ATG16L2: variants seen among roughly 807,000 people sequenced by gnomAD.
The protein encoded by ATG16L2 is autophagy related 16 like 2.
In ATG16L2, 77 loss-of-function variants were observed where a neutral mutation model predicts 84.7. The ratio of observed to expected loss-of-function variants is 0.91; its 90% CI spans 0.76 to 1.10. The LOEUF is 1.10. ATG16L2 is among the 50% of genes least tolerant of loss of function. The probability of loss-of-function intolerance (pLI) is 0.00; values close to 1 mark genes in which losing one functional copy is unlikely to be tolerated. For missense variants in ATG16L2, 782 were observed against 817.6 expected, an observed-to-expected ratio of 0.96 and a Z score of 0.53; for synonymous variants, 361 against 342.8, an observed-to-expected ratio of 1.05 and a Z score of -0.59.
At chr11:72,817,944 C>T (rs1859786715) in intron 3 of ATG16L2, 89 bp downstream of exon 3, 1 of 1,181,160 alleles carries the variant, frequency 8.5e-7, no homozygotes, top group Non-Finnish European at 1.2e-6. Context: ...TTGCTGAATT[C>T]TCCAAGCCCA....
chr11:72,831,006 C>G (rs1331135887), downstream of ATG16L2, among the ~76,000 whole-genome samples: 1 of 152,198 alleles, frequency 6.6e-6, no homozygotes, highest in East Asian at 1.9e-4. Context: ...TCCCAGCCCC[C>G]AGTTCAAATT....
At chr11:72,824,577 C>G in intron 8 of ATG16L2, 157 bp from the exon 9 acceptor site, 1 of 650,638 alleles carries the variant, frequency 1.5e-6, no homozygotes, top group Non-Finnish European at 2.8e-6. Flanking sequence ...CCCCTGGGGT[C>G]GAGGCTGGGT....
At chr11:72,840,849 CG>C in intron 5 of ATG16L2, 1 of 1,522,080 alleles carries the variant, frequency 6.6e-7, no homozygotes, top group Non-Finnish European at 9.1e-7. Context: ...ACTATGCATT[CG>C]ATAATCCTGC....
In ATG16L2 at chr11:72,822,121, G is replaced by T. The variant is rs771975030; in HGVS notation, c.470G>T (p.Arg157Leu). Residue 157 changes from arginine to leucine, a missense_variant, in exon 5 of 18, where the codon CGG becomes CTG. Arg to Leu is a moderately radical substitution (Grantham distance 102, BLOSUM62 -2). Transcript: ENST00000321297. The surrounding 1 kb of genome is among the most constrained non-coding windows in gnomAD (Gnocchi z 4.2). Reference protein sequence around the residue: ...AQQAQQVEEWRAQNAVQRAAY... With the variant: ...AQQAQQVEEWLAQNAVQRAAY... ...CAGGCCCAGCAGGTGGAGGAGTGGC[G>T]GGCGCAGAATGCGGTGCAGCGGGCA... The T allele has an allele frequency of 1.7e-5, 26 of 1,518,834 alleles. No homozygotes were observed. The highest frequency in any genetic ancestry group is 6.3e-5 in the Admixed American group (3 of 47,482). The allele number at this position is 1,518,834 out of a possible 1,614,324, so 94.1% of individuals were successfully genotyped here. A position where few individuals can be genotyped will look rare whatever the true frequency, so the allele number is the denominator to read the frequency against.
intron 13 of ATG16L2, 157 bp downstream of exon 13, chr11:72,826,980 C>T: frequency 1.1e-6 from 1 of 950,420 alleles, no homozygotes; most frequent in Admixed American, 2.7e-5. Flanking sequence ...AATGGTATCC[C>T]CCAGTGGTGT....
chr11:72,842,824 G>A, exon 6 of ATG16L2: 1 of 1,613,820 alleles, frequency 6.2e-7, no homozygotes, highest in Non-Finnish European at 8.5e-7. Context: ...TAATCATAAA[G>A]TGCTTTCACA....
chr11:72,823,811 G>T, intron 7 of ATG16L2: 1 of 623,450 alleles, frequency 1.6e-6, no homozygotes, highest in Non-Finnish European at 3.0e-6. Context: ...GGTACTAGTA[G>T]GGTAAGGCAG....
In ATG16L2 at chr11:72,824,064, G is replaced by C. The variant is rs774719029; in HGVS notation, c.829G>C (p.Ala277Pro). 274 of 1,614,214 alleles carry C rather than the reference G, an allele frequency of 1.7e-4. 4 individuals are homozygous for C. Among genetic ancestry groups the C allele is most frequent in the Middle Eastern group, 1.6e-3 (10 of 6,062 alleles). Residue 277 changes from alanine to proline, a missense_variant, in exon 8 of 18, where the codon GCC becomes CCC. Coordinates refer to ENST00000321297, the MANE Select transcript of ATG16L2 (RefSeq NM_033388.2). ...TCTCTCTTGGTTTTGTCTCAGGTCTGCCTCAGCCACCTCCCTGACGCTGTC... is the reference window on the plus strand; with the variant it reads ...TCTCTCTTGGTTTTGTCTCAGGTCTCCCTCAGCCACCTCCCTGACGCTGTC... ...CEKWKRPFRSASATSLTLSHC... is the reference protein window; with the variant it reads ...CEKWKRPFRSPSATSLTLSHC...
At position 72,824,157 on chromosome 11, in the gene ATG16L2, G is replaced by A. The variant is rs773617764; in HGVS notation, c.887+35G>A. 65 of 1,613,444 alleles carry A rather than the reference G, an allele frequency of 4.0e-5. No individual in the cohort carries two copies. In the African/African-American group the frequency reaches 8.1e-4, roughly 20 times the overall value. On this transcript the variant is annotated intron_variant, in intron 8 of 17. Coordinates refer to ENST00000321297, the MANE Select transcript of ATG16L2 (RefSeq NM_033388.2). Reference sequence around the variant, plus strand: ...TGTGTGCCTGTGTGTGCACCCACGTGTGTGTCGGGCTCCCCAGCCCAGGCT... The same window carrying A: ...TGTGTGCCTGTGTGTGCACCCACGTATGTGTCGGGCTCCCCAGCCCAGGCT...
At position 72,821,755 on chromosome 11, in the gene ATG16L2, G is replaced by T. The variant is rs906667172; in HGVS notation, c.392+14G>T. On this transcript the variant is annotated intron_variant, in intron 4 of 17. Coordinates refer to ENST00000321297, the MANE Select transcript of ATG16L2 (RefSeq NM_033388.2). Reference sequence around the variant, plus strand: ...GAGGCAAAGCAGGTGAGGCGCGGGCGGGGGCGGGAGGGACCGCGCCCACCT... The same window carrying T: ...GAGGCAAAGCAGGTGAGGCGCGGGCTGGGGCGGGAGGGACCGCGCCCACCT... 2.0e-6 allele frequency: 3 copies of T among 1,533,224 alleles called. No individual in the cohort carries two copies. Among genetic ancestry groups the T allele is most frequent in the African/African-American group, 2.7e-5 (2 of 72,832 alleles). The allele number at this position is 1,533,224 out of a possible 1,614,324, so 95.0% of individuals were successfully genotyped here.
At chr11:72,834,913 G>A (rs1860690044) in intron 5 of ATG16L2, among the ~76,000 whole-genome samples, 1 of 152,086 alleles carries the variant, frequency 6.6e-6, no homozygotes. Context: ...AATTGAGGAT[G>A]TGGCAGCTAA....
chr11:72,828,293 C>A, intron 14 of ATG16L2, 66 bp from the exon 15 acceptor site: 1 of 1,581,274 alleles, frequency 6.3e-7, no homozygotes. Context: ...CTGCGCCTGG[C>A]CCCTTCCTGT....
chr11:72,823,345 G>T (rs970324968), intron 7 of ATG16L2: 3 of 327,122 alleles, frequency 9.2e-6, no homozygotes, highest in Non-Finnish European at 1.2e-5. Context: ...GAGGCCACAG[G>T]TGTGTACAAG....
chr11:72,837,225 T>C (rs1429181615), intron 5 of ATG16L2: 2 of 152,306 alleles, frequency 1.3e-5, no homozygotes, highest in African/African-American at 4.8e-5. Context: ...GGTTAAGAAG[T>C]GTAAAAAACA....
chr11:72,826,987 G>T (rs907597621), intron 13 of ATG16L2, 164 bp downstream of exon 13: 2 of 931,968 alleles, frequency 2.1e-6, no homozygotes, highest in Non-Finnish European at 1.6e-6. Context: ...TCCCCCAGTG[G>T]TGTTTTCTGT....
intron 7 of ATG16L2, 188 bp from the exon 8 acceptor site, chr11:72,823,872 T>C (rs553776554): frequency 1.7e-4 from 131 of 764,604 alleles, no homozygotes; most frequent in Admixed American, 1.1e-3. Context: ...CCAAATCCAT[T>C]GCTGCCCCGA....
At chr11:72,826,083 C>T (rs1860331334) in intron 10 of ATG16L2, 90 bp from the exon 11 acceptor site, 4 of 1,060,840 alleles carry the variant, frequency 3.8e-6, no homozygotes, top group South Asian at 2.9e-5. Context: ...GGGGGTGGGG[C>T]GGGAACTGAT....
At chr11:72,827,317 G>C (rs1860422516) in intron 14 of ATG16L2, 24 bp downstream of exon 14, 1 of 1,584,206 alleles carries the variant, frequency 6.3e-7, no homozygotes, top group African/African-American at 1.3e-5. Context: ...GCTGGGGGAG[G>C]ACTTGGGGAG....
Position 72,825,375 on chromosome 11 carries a change from A to T in ATG16L2, c.1070A>T (p.Asp357Val). 6.2e-7 allele frequency: 1 copy of T among 1,612,964 alleles called. No homozygotes were observed. Among genetic ancestry groups the T allele is most frequent in the Non-Finnish European group, 8.5e-7 (1 of 1,179,910 alleles). Residue 357 changes from aspartate to valine, a missense_variant, in exon 10 of 18, where the codon GAC becomes GTC. Physicochemically the swap from Asp to Val is radical, Grantham distance 152 (BLOSUM62 -3). Transcript: ENST00000321297. ...NSSLLATGGA[D>V]RLIHLWNVVG... ...AGCCTCCTGGCCACTGGAGGGGCTG[A>T]CCGCCTGATCCACCTCTGGAATGTT...
Sources: gnomAD v4.1 joint callset for allele counts (sites outside exome capture counted in the v4.1 genomes callset) on GRCh38, gnomAD v4.1.1 for gene constraint, Gnocchi (gnomAD v3.1) non-coding constraint, MANE v1.5 for transcripts, NCBI Gene and HGNC (gene_info 2026-07-23, HGNC 2026-07-21) for gene names.